ANK2: variants seen among roughly 807,000 people sequenced by gnomAD.
The protein encoded by ANK2 is ankyrin-2.
ANK2 carries 83 observed loss-of-function variants against 360.5 expected under a neutral mutation model. That is an observed-to-expected ratio of 0.23 (90% CI 0.19 to 0.28). The LOEUF (loss-of-function observed/expected upper bound fraction) is 0.28, where lower values mean the gene tolerates loss of function less well. Among genes scored for constraint, ANK2 ranks in the 10% least tolerant of loss-of-function variants. The pLI is 1.00. For synonymous variants in ANK2, 1,740 were observed against 1,759.5 expected (o/e 0.99, Z 0.28); for missense variants, 4,201 against 4,795.7 (o/e 0.88, Z 3.66).
At chr4:112,966,412 C>G (rs1004609313) in intron 2 of ANK2, among the ~76,000 whole-genome samples, 3 of 151,670 alleles carry the variant, frequency 2.0e-5, no homozygotes, top group Non-Finnish European at 4.4e-5. Flanking sequence ...ATGGTAAATA[C>G]TGTTAATGTT....
intron 16 of ANK2, among the ~76,000 whole-genome samples, chr4:113,278,242 C>T (rs770276728): frequency 2.0e-5 from 3 of 151,962 alleles, no homozygotes; most frequent in Non-Finnish European, 4.4e-5. Flanking sequence ...CATTGTGACC[C>T]TCAAGATCCC....
Position 113,355,047 on chromosome 4 carries a change from G to A in ANK2, c.6429G>A (p.Glu2143=). The part of the protein sequence containing the change: ...STDFSEVIKQ[E]LEDNDKYQQF... ...ACTTCTCTGAGGTCATTAAGCAAGA[G>A]TTGGAAGACAATGACAAATACCAAC... Residue 2143 remains glutamate (E), a synonymous_variant, in exon 38 of 46, where the codon GAG becomes GAA. Transcript: ENST00000357077. 6.2e-7 allele frequency: 1 copy of A among 1,614,088 alleles called. No homozygotes were observed. Among genetic ancestry groups the A allele is most frequent in the Non-Finnish European group, 8.5e-7 (1 of 1,179,982 alleles).
chr4:112,844,733 T>C (rs2062898782), intron 1 of ANK2, among the ~76,000 whole-genome samples: 1 of 152,200 alleles, frequency 6.6e-6, no homozygotes, highest in East Asian at 1.9e-4. Context: ...TCATAAAATT[T>C]TATGCATCTG....
chr4:113,293,369 G>A, intron 21 of ANK2, 71 bp from the exon 22 acceptor site: 1 of 1,299,428 alleles, frequency 7.7e-7, no homozygotes. Context: ...CAGAGCAGCG[G>A]GTGAGCTCAT....
rs1309393615 is a variant in ANK2 at position 113,262,161 on chromosome 4, C to G, written c.1387-2736C>G. ...CAGAAATTTATTCTTATCATCATTTCTACCAAAATTAGTAAAATTGCTAGC... is the reference window on the plus strand; with the variant it reads ...CAGAAATTTATTCTTATCATCATTTGTACCAAAATTAGTAAAATTGCTAGC... On this transcript the variant is annotated intron_variant, in intron 13 of 45. Coordinates refer to ENST00000357077, the MANE Select transcript of ANK2 (RefSeq NM_001148.6). Among the ~76,000 whole-genome samples the G allele has an allele frequency of 2.0e-5, 3 of 152,162 alleles. No homozygotes were observed. In the East Asian group the frequency reaches 5.8e-4, roughly 29 times the overall value.
chr4:113,052,960 C>T (rs183902671), intron 1 of ANK2, among the ~76,000 whole-genome samples: 6 of 152,176 alleles, frequency 3.9e-5, no homozygotes, highest in South Asian at 4.2e-4. Context: ...CAGGCTAGAG[C>T]GTTACTAAAG....
In ANK2 at chr4:112,880,011, T is replaced by C. The variant is rs551431335; in HGVS notation, c.-39-24444T>C. Among the ~76,000 whole-genome samples, 12 of 152,106 alleles carry C rather than the reference T, an allele frequency of 7.9e-5. No individual in the cohort carries two copies. The East Asian group carries it at 1.9e-3, about 24-fold the overall frequency. On this transcript the variant is annotated intron_variant, in intron 1 of 30. Coordinates refer to the ANK2 transcript ENST00000503271. ...AAGCAGCTCTTCAGCAAAAGTGATA[T>C]GGCCTTTATGTTTTTAACCCAGTAG... is the stretch of plus-strand genomic sequence containing the variant.
At chr4:113,366,441 G>A (rs866612668) in intron 41 of ANK2, among the ~76,000 whole-genome samples, 44 of 113,802 alleles carry the variant, frequency 3.9e-4, no homozygotes, top group South Asian at 1.6e-3. Context: ...TCTCCTTCCT[G>A]TGGCAGGTTA....
chr4:112,903,549 A>G (rs897375899), intron 1 of ANK2, among the ~76,000 whole-genome samples: 2 of 152,202 alleles, frequency 1.3e-5, no homozygotes, highest in Admixed American at 6.5e-5. Context: ...ATAAGAGAAA[A>G]TAAAGTAGAA....
intron 1 of ANK2, among the ~76,000 whole-genome samples, chr4:112,836,108 A>T (rs1424615363): frequency 1.3e-5 from 2 of 152,088 alleles, no homozygotes; most frequent in Non-Finnish European, 2.9e-5. Flanking sequence ...TATAATCCCC[A>T]TGTGTTGAAG....
intron 2 of ANK2, among the ~76,000 whole-genome samples, chr4:112,944,812 C>T (rs1158575538): frequency 6.6e-6 from 1 of 152,212 alleles, no homozygotes; most frequent in African/African-American, 2.4e-5. Context: ...AATCAGTGGA[C>T]TGACCTTACC....
At chr4:113,364,887 T>C in intron 40 of ANK2, 152 bp from the exon 41 acceptor site, 1 of 996,654 alleles carries the variant, frequency 1.0e-6, no homozygotes, top group Non-Finnish European at 1.5e-6. Context: ...CATATCTCTT[T>C]TGTCTGTTGG....
At chr4:113,061,754 T>G (rs1343157330) in intron 1 of ANK2, among the ~76,000 whole-genome samples, 3 of 152,074 alleles carry the variant, frequency 2.0e-5, no homozygotes, top group African/African-American at 7.2e-5. Flanking sequence ...CACAAAAAAA[T>G]AATTAAAAAG....
intron 35 of ANK2, chr4:113,347,755 G>A (rs2095031577): frequency 6.2e-6 from 1 of 160,230 alleles, no homozygotes; most frequent in Admixed American, 6.0e-5. Flanking sequence ...GATTGCTTGA[G>A]TCTAGTAGTT....
At chr4:112,783,566 G>A in the ANK2 span, among the ~76,000 whole-genome samples, 1 of 151,594 alleles carries the variant, frequency 6.6e-6, no homozygotes, top group African/African-American at 2.4e-5. Context: ...GCATACTATT[G>A]GCATTTTGGC....
chr4:112,931,296 T>C (rs1458599025), intron 2 of ANK2, among the ~76,000 whole-genome samples: 1 of 152,146 alleles, frequency 6.6e-6, no homozygotes, highest in Non-Finnish European at 1.5e-5. Flanking sequence ...ACTGAGGTCT[T>C]CTTCTCAATC....
chr4:113,028,986 T>C (rs545965822), intron 2 of ANK2, among the ~76,000 whole-genome samples: 1 of 152,196 alleles, frequency 6.6e-6, no homozygotes, highest in East Asian at 1.9e-4. Flanking sequence ...GAATAACATG[T>C]TGCTACGTGT....
At chr4:113,041,021 T>C (rs2062819900) in intron 2 of ANK2, among the ~76,000 whole-genome samples, 2 of 152,104 alleles carry the variant, frequency 1.3e-5, no homozygotes, top group African/African-American at 4.8e-5. Flanking sequence ...TATAACATTT[T>C]TGGTGGTGAC....
At chr4:112,787,587 A>T in the ANK2 span, among the ~76,000 whole-genome samples, 1 of 152,206 alleles carries the variant, frequency 6.6e-6, no homozygotes, top group South Asian at 2.1e-4. Flanking sequence ...CCATTGCCCC[A>T]GTAGGAAAAG....
Sources: allele counts gnomAD v4.1 joint callset (sites outside exome capture counted in the v4.1 genomes callset), GRCh38; gene constraint gnomAD v4.1.1; transcripts MANE v1.5; gene names NCBI Gene and HGNC (gene_info 2026-07-23, HGNC 2026-07-21).